RPL26L1: variants seen among roughly 807,000 people sequenced by gnomAD.
RPL26L1 encodes the protein ribosomal protein uL24-like.
A neutral mutation model predicts 15.2 loss-of-function variants in RPL26L1; 8 were observed. The ratio of observed to expected loss-of-function variants is 0.53; its 90% CI spans 0.31 to 0.95. RPL26L1 has a LOEUF of 0.95. Among genes scored for constraint, RPL26L1 ranks in the 40% least tolerant of loss-of-function variants. The pLI is 0.05. For missense variants in RPL26L1, 146 were observed against 190.9 expected (o/e 0.76, Z 1.39); for synonymous variants, 51 against 65.9 (o/e 0.77, Z 1.09).
upstream of RPL26L1, chr5:172,957,392 G>T: frequency 2.5e-6 from 1 of 394,292 alleles, no homozygotes. Flanking sequence ...TGATGATCTT[G>T]GGTTCTCAAG....
rs1483453147 is a variant in RPL26L1 at position 172,969,433 on chromosome 5, AC to A, written c.331del (p.Leu111TrpfsTer37). ...AACAGGTGGTTATCACCAGGCTAAA[AC>A]TGGACAAGGATCGGAAAAAAATTCT... Reference protein sequence around the residue: ...PSKVVITRLKLDKDRKKILER... With the variant: ...PSKVVITRLKXDKDRKKILER... On this transcript the variant is annotated frameshift_variant, in exon 4 of 4. Coordinates refer to ENST00000265100, the MANE Select transcript of RPL26L1 (RefSeq NM_016093.4). LOFTEE classifies it high-confidence loss of function. 2 of 1,613,610 alleles carry A rather than the reference AC, an allele frequency of 1.2e-6. No individual in the cohort carries two copies. Among genetic ancestry groups the A allele is most frequent in the African/African-American group, 2.7e-5 (2 of 74,906 alleles).
chr5:172,958,567 T>G, upstream of RPL26L1: 1 of 365,370 alleles, frequency 2.7e-6, no homozygotes, highest in South Asian at 1.9e-5. Flanking sequence ...CCCTTTTCCT[T>G]CCCTGCCGCC....
intron 2 of RPL26L1, among the ~76,000 whole-genome samples, chr5:172,967,753 T>TATATATAC (rs1158039729): frequency 6.6e-6 from 1 of 151,388 alleles, no homozygotes; most frequent in Non-Finnish European, 1.5e-5. Context: ...AATGTGTGTG[T>TATATATAC]ATATATACAT....
chr5:172,968,606 T>G lies in RPL26L1; in HGVS notation c.309+7T>G, dbSNP rs1755564648. On this transcript the variant is annotated splice_region_variant and intron_variant, in intron 3 of 3. Transcript: ENST00000265100. ...GGGCATTCACCCAAGCAAGGTATGG[T>G]CAAGGACTGAGTGGCAGTAGCAGCC... The G allele has an allele frequency of 6.2e-7, 1 of 1,613,880 alleles. No individual in the cohort carries two copies. Among genetic ancestry groups the G allele is most frequent in the Non-Finnish European group, 8.5e-7 (1 of 1,179,884 alleles).
chr5:172,965,357 A>G (rs1371250614), intron 2 of RPL26L1, among the ~76,000 whole-genome samples: 2 of 152,034 alleles, frequency 1.3e-5, no homozygotes, highest in African/African-American at 2.4e-5. Flanking sequence ...AAACACAATC[A>G]TGTTTTCCCT....
At chr5:172,957,431 A>T (rs747167712), upstream of RPL26L1, 1 of 362,548 alleles carries the variant, frequency 2.8e-6, no homozygotes, top group Non-Finnish European at 5.5e-6. Context: ...TTCCTTCACC[A>T]GTGAGGCTCT....
At chr5:172,959,522 C>A in intron 1 of RPL26L1, 54 bp downstream of exon 1, 4 of 1,102,202 alleles carry the variant, frequency 3.6e-6, no homozygotes, top group Non-Finnish European at 3.4e-6. Context: ...CCCGTGAGAC[C>A]CTGCCCTATG....
At chr5:172,959,758 CTCCCCTGTA>C in intron 1 of RPL26L1, 98 bp from the exon 2 acceptor site, 1 of 1,312,394 alleles carries the variant, frequency 7.6e-7, no homozygotes, top group Middle Eastern at 2.0e-4. Context: ...CAGAGGCTAC[CTCCCCTGTA>C]GAGCCTTTGT....
upstream of RPL26L1, chr5:172,957,342 CAA>C (rs1354517371): frequency 4.4e-6 from 2 of 449,956 alleles, no homozygotes; most frequent in Non-Finnish European, 8.9e-6. Flanking sequence ...CAAAACAAAG[CAA>C]AAAGCCTTCC....
At chr5:172,961,802 C>G (rs2113531481) in intron 2 of RPL26L1, among the ~76,000 whole-genome samples, 1 of 152,324 alleles carries the variant, frequency 6.6e-6, no homozygotes, top group Admixed American at 6.5e-5. Flanking sequence ...ATATCCCAGT[C>G]CAGACCACTT....
At chr5:172,960,120 A>T in intron 2 of RPL26L1, 79 bp downstream of exon 2, 1 of 1,529,076 alleles carries the variant, frequency 6.5e-7, no homozygotes. Context: ...ACAGACTCAC[A>T]TGCCTCAGGA....
At chr5:172,957,322 A>C (rs1227530878), upstream of RPL26L1, 3 of 455,090 alleles carry the variant, frequency 6.6e-6, no homozygotes, top group Admixed American at 7.1e-5. Flanking sequence ...ACAGCATGTT[A>C]AAAACAAAAC....
upstream of RPL26L1, chr5:172,958,346 AAACTAAGAGAGAG>A (rs1466800518): frequency 1.5e-5 from 7 of 456,000 alleles, no homozygotes; most frequent in Admixed American, 1.4e-4. Context: ...GAACACTGAT[AAACTAAGAGAGAG>A]CACGGGACCT....
intron 1 of RPL26L1, 197 bp downstream of exon 1, chr5:172,959,665 C>T (rs897829129): frequency 8.9e-7 from 1 of 1,129,878 alleles, no homozygotes; most frequent in Non-Finnish European, 1.2e-6. Flanking sequence ...CCCCTTTAGA[C>T]GGGCATGCGA....
At chr5:172,963,355 C>G (rs1425319797) in intron 2 of RPL26L1, among the ~76,000 whole-genome samples, 2 of 143,256 alleles carry the variant, frequency 1.4e-5, no homozygotes, top group African/African-American at 2.5e-5. Context: ...GCCTGGGCAA[C>G]AGAGTAAAAC....
At chr5:172,964,681 C>T (rs1755382218) in intron 2 of RPL26L1, among the ~76,000 whole-genome samples, 1 of 152,154 alleles carries the variant, frequency 6.6e-6, no homozygotes, top group South Asian at 2.1e-4. Context: ...ATAAAATAGC[C>T]CTGATTGGGT....
At chr5:172,967,132 G>A (rs529627199) in intron 2 of RPL26L1, among the ~76,000 whole-genome samples, 2 of 151,492 alleles carry the variant, frequency 1.3e-5, no homozygotes, top group East Asian at 4.0e-4. Flanking sequence ...GGGATTACAG[G>A]TGTGAACCAC....
At chr5:172,959,731 T>C (rs1435368895) in intron 1 of RPL26L1, 134 bp from the exon 2 acceptor site, 10 of 1,164,956 alleles carry the variant, frequency 8.6e-6, no homozygotes, top group Non-Finnish European at 1.1e-5. Context: ...CTCTCTGTCC[T>C]CCCTCAGTTG....
intron 2 of RPL26L1, among the ~76,000 whole-genome samples, chr5:172,965,108 C>A (rs994302457): frequency 2.0e-5 from 3 of 152,220 alleles, no homozygotes; most frequent in Non-Finnish European, 2.9e-5. Flanking sequence ...ATCACTTGAA[C>A]CCAGAAGGCG....
Sources: allele counts gnomAD v4.1 joint callset (sites outside exome capture counted in the v4.1 genomes callset), GRCh38; gene constraint gnomAD v4.1.1; transcripts MANE v1.5; gene names NCBI Gene and HGNC (gene_info 2026-07-23, HGNC 2026-07-21).